The following SYNJ2 variants were observed in gnomAD, a reference collection of about 807,000 sequenced individuals.
SYNJ2 encodes polyphosphatidylinositol phosphatase SYNJ2.
SYNJ2 carries 116 observed loss-of-function variants against 141.3 expected under a neutral mutation model. The observed-to-expected ratio is 0.82, with a 90% confidence interval of 0.71 to 0.96. SYNJ2 has a LOEUF of 0.96. Ranked by LOEUF, SYNJ2 falls within the 40% of genes least tolerant of loss-of-function variation. The pLI is 0.00. For missense variants in SYNJ2, 1,873 were observed against 1,934.8 expected (o/e 0.97, Z 0.60); for synonymous variants, 745 against 777.7 (o/e 0.96, Z 0.70).
Position 158,059,567 on chromosome 6 carries a change from T to G in SYNJ2, c.954+214T>G, listed in dbSNP as rs530603410. 500 of 815,366 alleles carry G rather than the reference T, an allele frequency of 6.1e-4. 6 individuals are homozygous for G. The South Asian group carries it at 0.011, about 18-fold the overall frequency. The allele number at this position is 815,366 out of a possible 1,614,324, so 50.5% of individuals were successfully genotyped here. A position where few individuals can be genotyped will look rare whatever the true frequency, so the allele number is the denominator to read the frequency against. On this transcript the variant is annotated intron_variant, in intron 7 of 26. Transcript: ENST00000355585. ...GTGTAATTTCTTTTCTTTTTTTTTT[T>G]TTTTAAGACAGAGTTTGGCTCTTGT...
chr6:158,045,969 G>A (rs1306368006), intron 5 of SYNJ2, among the ~76,000 whole-genome samples: 2 of 151,988 alleles, frequency 1.3e-5, no homozygotes, highest in African/African-American at 4.8e-5. Context: ...TTGAGACGAA[G>A]TCTTGCTCTG....
At chr6:158,020,305 G>T (rs915149625) in intron 2 of SYNJ2, among the ~76,000 whole-genome samples, 1 of 149,936 alleles carries the variant, frequency 6.7e-6, no homozygotes, top group African/African-American at 2.5e-5. Context: ...ACCCCCACCT[G>T]TGTGACTCCA....
intron 1 of SYNJ2, among the ~76,000 whole-genome samples, chr6:157,999,308 C>T (rs1426034787): frequency 1.3e-5 from 2 of 152,268 alleles, no homozygotes; most frequent in East Asian, 1.9e-4. Flanking sequence ...GTGATTCAGG[C>T]ATGGAGCTCA....
At chr6:158,069,442 C>A (rs2128372574) in intron 13 of SYNJ2, 91 bp from the exon 14 acceptor site, 2 of 1,467,526 alleles carry the variant, frequency 1.4e-6, no homozygotes, top group African/African-American at 1.4e-5. Flanking sequence ...GTTCTGCAAA[C>A]AGAATAGGCT....
At chr6:158,050,671 G>A (rs577314610) in intron 5 of SYNJ2, among the ~76,000 whole-genome samples, 4 of 152,290 alleles carry the variant, frequency 2.6e-5, no homozygotes, top group Admixed American at 6.5e-5. Flanking sequence ...AGGGCATGCC[G>A]TCTGCTTGCC....
intron 6 of SYNJ2, among the ~76,000 whole-genome samples, chr6:158,057,766 G>A (rs1041268636): frequency 3.3e-5 from 5 of 152,312 alleles, no homozygotes; most frequent in East Asian, 1.9e-4. Context: ...GTGTGGCCAC[G>A]GTGGGCTCCC....
Position 158,083,996 on chromosome 6 carries a change from C to G in SYNJ2, c.3035-5C>G. ...CCCGAATTGTGATTCATTTCCTTCT[C>G]CCAGGGGATATTCTTGAAGACGATG... is the stretch of plus-strand genomic sequence containing the variant. On this transcript the variant is annotated splice_region_variant and splice_polypyrimidine_tract_variant and intron_variant, in intron 21 of 26. Transcript: ENST00000355585. 6.2e-7 allele frequency: 1 copy of G among 1,614,000 alleles called. No individual in the cohort carries two copies. The highest frequency in any genetic ancestry group is 8.5e-7 in the Non-Finnish European group (1 of 1,179,912).
intron 13 of SYNJ2, 141 bp from the exon 14 acceptor site, chr6:158,069,392 A>G: frequency 9.3e-7 from 1 of 1,071,632 alleles, no homozygotes; most frequent in South Asian, 1.8e-5. Context: ...GAAGAAGGAA[A>G]GCATGACACT....
chr6:158,096,483 C>T lies in SYNJ2; in HGVS notation c.*119C>T. The T allele has an allele frequency of 8.3e-7, 1 of 1,208,524 alleles. No individual in the cohort carries two copies. Among genetic ancestry groups the T allele is most frequent in the Non-Finnish European group, 1.1e-6 (1 of 886,916 alleles). The allele number at this position is 1,208,524 out of a possible 1,614,324, so 74.9% of individuals were successfully genotyped here. On this transcript the variant is annotated 3_prime_UTR_variant, in exon 27 of 27. Transcript: ENST00000355585. The stretch of plus-strand genomic sequence containing the variant: ...CTGGCCAAAACGTTTGTGCATCTGT[C>T]ACTCTCGTGTAGTTTACAAAAATCG...
At chr6:158,059,609 C>G (rs1344546100) in intron 7 of SYNJ2, 2 of 1,145,848 alleles carry the variant, frequency 1.7e-6, no homozygotes, top group Non-Finnish European at 2.2e-6. Flanking sequence ...GGCTGGAGTG[C>G]AGTGGTGCAA....
Position 158,081,484 on chromosome 6 carries a change from A to G in SYNJ2, c.2839A>G (p.Ser947Gly). The change falls in exon 20 of 27, where the codon AGT becomes GGT. Residue 947 changes from serine (S) to glycine (G), a missense_variant. Coordinates refer to ENST00000355585, the MANE Select transcript of SYNJ2 (RefSeq NM_003898.4). ...VTFADSHSAL[S>G]VLDVDGMKVK... ...TTTTGCAGACAGTCACTCGGCTCTC[A>G]GTGTCCTGGACGTGGACGGTATGAA... is the stretch of plus-strand genomic sequence containing the variant. The G allele has an allele frequency of 1.9e-6, 3 of 1,613,826 alleles. No homozygotes were observed. The East Asian group carries it at 6.7e-5, about 36-fold the overall frequency.
intron 1 of SYNJ2, among the ~76,000 whole-genome samples, chr6:157,993,710 CTTTTTTTT>C (rs34971762): frequency 2.5e-5 from 1 of 40,558 alleles, no homozygotes; most frequent in African/African-American, 1.1e-4. Context: ...TCTTGCATAG[CTTTTTTTT>C]TTTTTTTTTT....
chr6:158,088,033 AATTTTTTTTTTTTTTTTTTTT>A (rs1783184777), intron 23 of SYNJ2, among the ~76,000 whole-genome samples: 1 of 36,816 alleles, frequency 2.7e-5, no homozygotes, highest in African/African-American at 9.1e-5. Flanking sequence ...CCTGCTTTGG[AATTTTTTTTTTTTTTTTTTTT>A]TTTTTTTTTT....
rs1202294241 is a variant in SYNJ2, at chr6:157,992,709, G to A, written c.127+10621G>A. Among the ~76,000 whole-genome samples the A allele has an allele frequency of 2.6e-5, 4 of 151,576 alleles. No homozygotes were observed. In the East Asian group the frequency reaches 7.7e-4, roughly 29 times the overall value. On this transcript the variant is annotated intron_variant, in intron 1 of 26. Coordinates refer to ENST00000355585, the MANE Select transcript of SYNJ2 (RefSeq NM_003898.4). ...AGGTGTGAGCAACTGCACTCGGCTG[G>A]CTGGCTTGTTTCACTTAACATAATG...
chr6:158,088,593 C>T (rs1391844333), intron 23 of SYNJ2, 67 bp from the exon 24 acceptor site: 4 of 1,229,048 alleles, frequency 3.3e-6, no homozygotes, highest in East Asian at 2.3e-5. Context: ...TAGTCGGGCT[C>T]CTGGCAGCTG....
intron 2 of SYNJ2, among the ~76,000 whole-genome samples, chr6:158,020,130 C>CTCTGTGGACTGAA: frequency 6.6e-6 from 1 of 151,500 alleles, no homozygotes; most frequent in South Asian, 2.1e-4. Context: ...ACCTGTGTGA[C>CTCTGTGGACTGAA]TCTGCGTGAC....
At chr6:157,989,858 G>A (rs1041087635) in intron 1 of SYNJ2, among the ~76,000 whole-genome samples, 1 of 152,206 alleles carries the variant, frequency 6.6e-6, no homozygotes, top group African/African-American at 2.4e-5. Flanking sequence ...GTCTGCGGGA[G>A]GGTGCTGGGG....
At chr6:158,031,581 T>C (rs549319016) in intron 3 of SYNJ2, among the ~76,000 whole-genome samples, 98 of 152,126 alleles carry the variant, frequency 6.4e-4, no homozygotes, top group African/African-American at 2.1e-3. Flanking sequence ...AGTGTGGTTC[T>C]GGGCTTGATC....
intron 6 of SYNJ2, among the ~76,000 whole-genome samples, chr6:158,056,065 G>C (rs1780851823): frequency 6.6e-6 from 1 of 152,156 alleles, no homozygotes; most frequent in Admixed American, 6.5e-5. Flanking sequence ...CTGGGTGACA[G>C]AGCGAGACTC....
Sources: allele counts gnomAD v4.1 joint callset (sites outside exome capture counted in the v4.1 genomes callset), GRCh38; gene constraint gnomAD v4.1.1; transcripts MANE v1.5; gene names NCBI Gene and HGNC (gene_info 2026-07-23, HGNC 2026-07-21).